The following GNG2 variants were observed in gnomAD, a reference collection of about 807,000 sequenced individuals.
The protein encoded by GNG2 is guanine nucleotide-binding protein G(I)/G(S)/G(O) subunit gamma-2.
GNG2 carries 5 observed loss-of-function variants against 5.5 expected under a neutral mutation model. The observed-to-expected ratio is 0.91, with a 90% confidence interval of 0.48 to 1.92. The LOEUF is 1.92. GNG2 is among the 30% of genes most tolerant of loss of function. The probability of loss-of-function intolerance (pLI) is 0.01; values close to 1 mark genes in which losing one functional copy is unlikely to be tolerated. For synonymous variants in GNG2, 28 were observed against 32.0 expected (o/e 0.88, Z 0.42); for missense variants, 55 against 88.4 (o/e 0.62, Z 1.52).
At chr14:51,949,069 C>T (rs549507943) in intron 2 of GNG2, among the ~76,000 whole-genome samples, 13 of 149,342 alleles carry the variant, frequency 8.7e-5, no homozygotes, top group Non-Finnish European at 1.3e-4. Flanking sequence ...TGCAGTGAGC[C>T]GAGATCGCGC....
chr14:51,842,646 G>T (rs1244664915), intron 2 of GNG2, among the ~76,000 whole-genome samples: 1 of 151,392 alleles, frequency 6.6e-6, no homozygotes, highest in Non-Finnish European at 1.5e-5. Context: ...CCCTTTTTCA[G>T]AGTACAGTTA....
intron 2 of GNG2, chr14:51,916,647 C>G (rs997287734): frequency 2.6e-6 from 1 of 383,196 alleles, no homozygotes; most frequent in African/African-American, 2.1e-5. Context: ...GCTGGGAGGC[C>G]TACCTGCCTG....
At chr14:51,917,980 C>T (rs1469117402) in intron 2 of GNG2, among the ~76,000 whole-genome samples, 2 of 147,600 alleles carry the variant, frequency 1.4e-5, no homozygotes, top group East Asian at 2.1e-4. Flanking sequence ...GCGCCGAGAT[C>T]GTGTCACTGC....
At chr14:51,878,353 A>T (rs1883816416) in intron 2 of GNG2, among the ~76,000 whole-genome samples, 1 of 152,198 alleles carries the variant, frequency 6.6e-6, no homozygotes, top group Non-Finnish European at 1.5e-5. Flanking sequence ...TAGAGAGAAT[A>T]ATATAATGAA....
At chr14:51,850,124 C>T (rs1881838382) in intron 2 of GNG2, among the ~76,000 whole-genome samples, 1 of 152,176 alleles carries the variant, frequency 6.6e-6, no homozygotes. Context: ...GTTTTGAAAG[C>T]AGCATAGTTG....
chr14:51,834,567 C>T (rs1193623996), intron 2 of GNG2, among the ~76,000 whole-genome samples: 4 of 152,318 alleles, frequency 2.6e-5, no homozygotes, highest in East Asian at 3.9e-4. Context: ...CTCTGTCTTA[C>T]GCTCCTGTGT....
chr14:51,896,915 GAACAT>G (rs1441682311), intron 2 of GNG2, among the ~76,000 whole-genome samples: 1 of 152,062 alleles, frequency 6.6e-6, no homozygotes, highest in Non-Finnish European at 1.5e-5. Context: ...TGTCATTATT[GAACAT>G]AACATAAAGC....
intron 2 of GNG2, among the ~76,000 whole-genome samples, chr14:51,911,178 A>C (rs1007579833): frequency 1.3e-5 from 2 of 152,212 alleles, no homozygotes; most frequent in Non-Finnish European, 2.9e-5. Context: ...ATGTGCAGCA[A>C]TGCAAAACAA....
chr14:51,836,046 A>G (rs368291342), intron 2 of GNG2, among the ~76,000 whole-genome samples: 1 of 151,646 alleles, frequency 6.6e-6, no homozygotes, highest in South Asian at 2.1e-4. Flanking sequence ...GGTATCTAGT[A>G]TCATGGCACT....
intron 1 of GNG2, among the ~76,000 whole-genome samples, chr14:51,862,417 G>A (rs1417549281): frequency 6.6e-6 from 1 of 152,210 alleles, no homozygotes; most frequent in African/African-American, 2.4e-5. Context: ...TCTTCTTAGA[G>A]AAGAGACCTA....
intron 3 of GNG2, among the ~76,000 whole-genome samples, chr14:51,963,758 G>A (rs1051235730): frequency 2.0e-5 from 3 of 152,150 alleles, no homozygotes; most frequent in Non-Finnish European, 4.4e-5. Context: ...ATAATCTGCT[G>A]AGCCTCAATT....
intron 3 of GNG2, among the ~76,000 whole-genome samples, chr14:51,960,174 A>T (rs1474205464): frequency 1.8e-4 from 26 of 146,128 alleles, no homozygotes; most frequent in Admixed American, 2.7e-4. Context: ...TGTTTTGTTC[A>T]TTTTTTTTTT....
intron 2 of GNG2, among the ~76,000 whole-genome samples, chr14:51,836,071 T>G (rs894973000): frequency 2.0e-4 from 31 of 151,620 alleles, no homozygotes; most frequent in African/African-American, 7.0e-4. Context: ...GATCTAGTGT[T>G]TGGTTCGGGT....
At chr14:51,865,131 A>T (rs989080929) in intron 1 of GNG2, among the ~76,000 whole-genome samples, 1 of 152,132 alleles carries the variant, frequency 6.6e-6, no homozygotes, top group Non-Finnish European at 1.5e-5. Flanking sequence ...AATTAATGTT[A>T]ACTTTCTGTA....
intron 1 of GNG2, among the ~76,000 whole-genome samples, chr14:51,876,206 T>A (rs988279218): frequency 6.6e-6 from 1 of 152,212 alleles, no homozygotes; most frequent in Admixed American, 6.5e-5. Flanking sequence ...CCCAAAGTGC[T>A]GGGATTACAG....
At chr14:51,851,237 G>A (rs762431166) in intron 2 of GNG2, among the ~76,000 whole-genome samples, 9 of 152,160 alleles carry the variant, frequency 5.9e-5, no homozygotes, top group East Asian at 1.9e-4. Flanking sequence ...CCCTTGGAGC[G>A]GGGAGATAAT....
Position 51,860,809 on chromosome 14 carries a change from A to G in GNG2, c.-71+19A>G, listed in dbSNP as rs545159392. ...AGCTAAGGTAAATGAAACGTTTTCCATGTTGCTCGTTTTTAATTGAGAAAA... is the reference window on the plus strand; with the variant it reads ...AGCTAAGGTAAATGAAACGTTTTCCGTGTTGCTCGTTTTTAATTGAGAAAA... On this transcript the variant is annotated intron_variant, in intron 1 of 3. Coordinates refer to ENST00000556766, the MANE Select transcript of GNG2 (RefSeq NM_053064.5). 6.6e-6 allele frequency: 1 copy of G among 151,194 alleles called. No individual in the cohort carries two copies. Among genetic ancestry groups the G allele is most frequent in the South Asian group, 2.2e-4 (1 of 4,560 alleles). 9.4% of individuals were successfully genotyped at this position (151,194 alleles called of 1,614,324 possible). A position where few individuals can be genotyped will look rare whatever the true frequency, so the allele number is the denominator to read the frequency against.
In GNG2 at chr14:51,935,021, C is replaced by CTTT. The variant is rs1370410276; in HGVS notation, c.-29-15628_-29-15626dup. Among the ~76,000 whole-genome samples the CTTT allele has an allele frequency of 3.5e-4, 39 of 111,264 alleles. 7 individuals are homozygous for CTTT. Among genetic ancestry groups the CTTT allele is most frequent in the Admixed American group, 1.3e-3 (14 of 10,800 alleles). The allele number at this position is 111,264 out of a possible 152,430, so 73.0% of individuals were successfully genotyped here. On this transcript the variant is annotated intron_variant, in intron 2 of 3. Transcript: ENST00000556766. ...ATAGGTGGAAATTCCAGCCCAGTTT[C>CTTT]TTTCTTTTTTTTTTTTTTTTGGAGA... is the stretch of plus-strand genomic sequence containing the variant.
chr14:51,909,811 G>A, intron 2 of GNG2, among the ~76,000 whole-genome samples: 1 of 152,202 alleles, frequency 6.6e-6, no homozygotes, highest in East Asian at 1.9e-4. Flanking sequence ...GAAGAGAAAT[G>A]GATTGTGGAA....
Sources: allele counts gnomAD v4.1 joint callset (sites outside exome capture counted in the v4.1 genomes callset), GRCh38; gene constraint gnomAD v4.1.1; transcripts MANE v1.5; gene names NCBI Gene and HGNC (gene_info 2026-07-23, HGNC 2026-07-21).